The following CSNK1G3 variants were observed in gnomAD, a reference collection of about 807,000 sequenced individuals.
CSNK1G3 encodes casein kinase 1 gamma 3.
Under a neutral mutation model 64.3 loss-of-function variants are expected in CSNK1G3, and 23 were observed. The ratio of observed to expected loss-of-function variants is 0.36; its 90% CI spans 0.26 to 0.51. The LOEUF is 0.51. CSNK1G3 is among the 20% of genes least tolerant of loss of function. The pLI is 0.96. For synonymous variants in CSNK1G3, 158 were observed against 162.2 expected (o/e 0.97, Z 0.20); for missense variants, 357 against 510.5 (o/e 0.70, Z 2.90).
chr5:123,585,473 G>A (rs562410974), intron 6 of CSNK1G3, among the ~76,000 whole-genome samples: 13 of 152,044 alleles, frequency 8.6e-5, no homozygotes, highest in African/African-American at 2.9e-4. Context: ...TGATAAATTG[G>A]ACTTCATCAA....
chr5:123,547,788 T>C (rs1362495995), intron 2 of CSNK1G3, among the ~76,000 whole-genome samples: 1 of 152,150 alleles, frequency 6.6e-6, no homozygotes, highest in Admixed American at 6.6e-5. Context: ...CGCATAGAGC[T>C]AATTTAATCA....
At chr5:123,535,647 G>A (rs1240358087) in intron 1 of CSNK1G3, among the ~76,000 whole-genome samples, 1 of 152,092 alleles carries the variant, frequency 6.6e-6, no homozygotes, top group East Asian at 1.9e-4. Context: ...AAATGGCTTA[G>A]TTTCTCCCTA....
chr5:123,563,100 T>G, intron 4 of CSNK1G3, among the ~76,000 whole-genome samples: 1 of 152,042 alleles, frequency 6.6e-6, no homozygotes, highest in East Asian at 1.9e-4. Flanking sequence ...CTTAATTAGC[T>G]GATATTTTTA....
At chr5:123,607,095 G>T (rs1795491547) in intron 12 of CSNK1G3, among the ~76,000 whole-genome samples, 1 of 152,060 alleles carries the variant, frequency 6.6e-6, no homozygotes, top group Non-Finnish European at 1.5e-5. Flanking sequence ...ACTGGAGGAT[G>T]TGAAAGAAGA....
intron 10 of CSNK1G3, among the ~76,000 whole-genome samples, chr5:123,592,758 C>T (rs1023966366): frequency 1.4e-5 from 2 of 145,612 alleles, no homozygotes; most frequent in African/African-American, 5.2e-5. Flanking sequence ...ATATATATAG[C>T]ATGGCCAGTT....
At chr5:123,563,463 C>G (rs988257741) in intron 4 of CSNK1G3, among the ~76,000 whole-genome samples, 1 of 151,990 alleles carries the variant, frequency 6.6e-6, no homozygotes, top group Admixed American at 6.6e-5. Context: ...GTTAAAAAGT[C>G]TGGATTTATG....
chr5:123,569,963 A>G (rs979648162), intron 4 of CSNK1G3, among the ~76,000 whole-genome samples: 1 of 152,176 alleles, frequency 6.6e-6, no homozygotes, highest in African/African-American at 2.4e-5. Context: ...CTTTAAGATA[A>G]TCTTAAGGTT....
At chr5:123,575,387 GCTTATA>G (rs1414517285) in intron 5 of CSNK1G3, among the ~76,000 whole-genome samples, 4 of 152,114 alleles carry the variant, frequency 2.6e-5, no homozygotes, top group Non-Finnish European at 4.4e-5. Flanking sequence ...GCATATGTCT[GCTTATA>G]CTTTTGGGTT....
At chr5:123,545,665 T>G (rs34742615) in exon 2 of CSNK1G3, 86 of 1,610,946 alleles carry the variant, frequency 5.3e-5, no homozygotes, top group Non-Finnish European at 7.2e-5. Flanking sequence ...AAACTTGATA[T>G]GGAAAATAAA....
chr5:123,520,224 C>A (rs1379205635), intron 1 of CSNK1G3, among the ~76,000 whole-genome samples: 1 of 151,848 alleles, frequency 6.6e-6, no homozygotes, highest in Non-Finnish European at 1.5e-5. Flanking sequence ...TCTTTACCAT[C>A]AATATATGTA....
At chr5:123,580,430 TGTA>T (rs772895030) in intron 6 of CSNK1G3, among the ~76,000 whole-genome samples, 23 of 152,120 alleles carry the variant, frequency 1.5e-4, no homozygotes, top group Non-Finnish European at 2.8e-4. Flanking sequence ...ATTTTATTCT[TGTA>T]GTATCTGTTG....
intron 5 of CSNK1G3, among the ~76,000 whole-genome samples, chr5:123,575,400 G>T (rs1788971397): frequency 6.6e-6 from 1 of 152,062 alleles, no homozygotes; most frequent in African/African-American, 2.4e-5. Flanking sequence ...TATACTTTTG[G>T]GTTCAAGGTC....
chr5:123,580,604 T>C (rs1362346337), intron 6 of CSNK1G3, among the ~76,000 whole-genome samples: 1 of 151,966 alleles, frequency 6.6e-6, no homozygotes, highest in East Asian at 1.9e-4. Context: ...TTCTTTAGTG[T>C]TGACATATTG....
chr5:123,601,855 T>C (rs1794555994), intron 10 of CSNK1G3, among the ~76,000 whole-genome samples: 1 of 152,142 alleles, frequency 6.6e-6, no homozygotes, highest in Admixed American at 6.6e-5. Context: ...AATTGTTCAG[T>C]GAACTGTTTG....
At chr5:123,589,855 T>C (rs1048690362) in intron 8 of CSNK1G3, among the ~76,000 whole-genome samples, 5 of 152,136 alleles carry the variant, frequency 3.3e-5, no homozygotes, top group African/African-American at 9.7e-5. Context: ...TCTTGTGTTA[T>C]GTTTTTGAGA....
At chr5:123,611,348 A>T (rs949346586) in intron 12 of CSNK1G3, among the ~76,000 whole-genome samples, 1 of 152,182 alleles carries the variant, frequency 6.6e-6, no homozygotes, top group Non-Finnish European at 1.5e-5. Flanking sequence ...GCAAATCTTT[A>T]TAAGGACGTT....
At chr5:123,605,405 G>A (rs190028577) in intron 12 of CSNK1G3, 43 bp downstream of exon 13, 3 of 1,594,768 alleles carry the variant, frequency 1.9e-6, no homozygotes, top group Non-Finnish European at 2.6e-6. Flanking sequence ...TCCATTGACT[G>A]TAATTTCAAA....
intron 1 of CSNK1G3, among the ~76,000 whole-genome samples, chr5:123,540,805 G>A (rs1781560727): frequency 1.3e-5 from 2 of 151,852 alleles, no homozygotes; most frequent in African/African-American, 2.4e-5. Context: ...GCTAATTTTT[G>A]TATTTTTAAC....
At position 123,516,970 on chromosome 5, in the gene CSNK1G3, G is replaced by C. The variant is rs576916295; in HGVS notation, c.-248+4400G>C. 2.0e-5 allele frequency among the ~76,000 whole-genome samples: 3 copies of C among 152,266 alleles called. No homozygotes were observed. In the East Asian group the frequency reaches 5.8e-4, roughly 29 times the overall value. The stretch of plus-strand genomic sequence containing the variant: ...GGGAAGAGAGTTACCCTGTTATTCT[G>C]CCATTATATTCTTCATCAAAATGGA... On this transcript the variant is annotated intron_variant, in intron 1 of 12. Transcript: ENST00000345990.
Sources: gnomAD v4.1 joint callset for allele counts (sites outside exome capture counted in the v4.1 genomes callset) on GRCh38, gnomAD v4.1.1 for gene constraint, MANE v1.5 for transcripts, NCBI Gene and HGNC (gene_info 2026-07-23, HGNC 2026-07-21) for gene names.